Variants in SH3PXD2A observed in about 807,000 individuals in gnomAD.
SH3PXD2A encodes SH3 and PX domain-containing protein 2A.
A neutral mutation model predicts 115.2 loss-of-function variants in SH3PXD2A; 32 were observed. That is an observed-to-expected ratio of 0.28 (90% CI 0.21 to 0.37). The LOEUF is 0.37. Ranked by LOEUF, SH3PXD2A falls within the 10% of genes least tolerant of loss-of-function variation. The pLI, the probability that SH3PXD2A is intolerant of heterozygous loss-of-function variation, is 1.00. For missense variants in SH3PXD2A, 1,328 were observed against 1,498.7 expected, an observed-to-expected ratio of 0.89 and a Z score of 1.88; for synonymous variants, 610 against 629.1, an observed-to-expected ratio of 0.97 and a Z score of 0.45.
At chr10:103,677,738 A>G (rs2037557449) in intron 6 of SH3PXD2A, among the ~76,000 whole-genome samples, 1 of 152,138 alleles carries the variant, frequency 6.6e-6, no homozygotes, top group South Asian at 2.1e-4. Context: ...TAGTTCCTTC[A>G]AGGCCTTATC....
In SH3PXD2A at chr10:103,595,890, A is replaced by G. The variant is rs1159915064; in HGVS notation, c.*5926T>C. 6.6e-6 allele frequency: 1 copy of G among 152,598 alleles called. No homozygotes were observed. Among genetic ancestry groups the G allele is most frequent in the Non-Finnish European group, 1.5e-5 (1 of 68,040 alleles). The allele number at this position is 152,598 out of a possible 1,614,324, so 9.5% of individuals were successfully genotyped here. ...TGGGGACCCAGGTTTGCAGGAGGGA[A>G]GTTAACAGTGGGGCTGTTTTTCCCC... On this transcript the variant is annotated 3_prime_UTR_variant, in exon 15 of 15. Coordinates refer to ENST00000369774, the MANE Select transcript of SH3PXD2A (RefSeq NM_001394015.1).
chr10:103,818,090 G>A (rs1217387814), intron 1 of SH3PXD2A, among the ~76,000 whole-genome samples: 1 of 152,216 alleles, frequency 6.6e-6, no homozygotes, highest in Non-Finnish European at 1.5e-5. Context: ...TTTCAGCAAA[G>A]CTATTGTTTA....
chr10:103,653,635 T>C (rs1431169255), intron 8 of SH3PXD2A, among the ~76,000 whole-genome samples: 1 of 152,190 alleles, frequency 6.6e-6, no homozygotes, highest in African/African-American at 2.4e-5. Context: ...GGTGACAGCA[T>C]GGTGGAGGGA....
At chr10:103,610,000 G>A (rs2036400638) in intron 13 of SH3PXD2A, 1 of 152,204 alleles carries the variant, frequency 6.6e-6, no homozygotes, top group Admixed American at 6.5e-5. Context: ...ACATCACTTT[G>A]GGCCCAGCGA....
chr10:103,752,709 A>G (rs1254678491), intron 3 of SH3PXD2A, among the ~76,000 whole-genome samples: 1 of 152,248 alleles, frequency 6.6e-6, no homozygotes, highest in Admixed American at 6.5e-5. Context: ...ACATAGAAAC[A>G]TAACAGTAAA....
At chr10:103,730,041 G>A (rs1196860595) in intron 4 of SH3PXD2A, among the ~76,000 whole-genome samples, 1 of 152,194 alleles carries the variant, frequency 6.6e-6, no homozygotes, top group African/African-American at 2.4e-5. Flanking sequence ...CACAGGAGGG[G>A]GCCCCGGCAG....
rs558267266 is a variant in SH3PXD2A, at chr10:103,599,271, G to C, written c.*2545C>G. The C allele has an allele frequency of 2.9e-5, 4 of 138,324 alleles. No homozygotes were observed. Among genetic ancestry groups the C allele is most frequent in the Admixed American group, 2.9e-4 (4 of 13,866 alleles). 8.6% of individuals were successfully genotyped at this position (138,324 alleles called of 1,614,324 possible). A position where few individuals can be genotyped will look rare whatever the true frequency, so the allele number is the denominator to read the frequency against. On this transcript the variant is annotated 3_prime_UTR_variant, in exon 15 of 15. Transcript: ENST00000369774. ...GGGGGTCAAGGAGAGGGGGTCCTTG[G>C]GGGGGGCTGGGAGAATGTGGGGGGC...
rs752873465 is a variant in SH3PXD2A, at chr10:103,724,341, G to A, written c.327C>T (p.Pro109=). The A allele has an allele frequency of 6.3e-7, 1 of 1,581,904 alleles. No homozygotes were observed. Among genetic ancestry groups the A allele is most frequent in the African/African-American group, 1.4e-5 (1 of 72,758 alleles). Residue 109 remains proline (P), a synonymous_variant, in exon 5 of 15, where the codon CCC becomes CCT. Coordinates refer to ENST00000369774, the MANE Select transcript of SH3PXD2A (RefSeq NM_001394015.1). ...EYCRALVRLP[P]HISQCDEVFR... is the part of the protein sequence containing the mutation. ...AGACTTCGTCACACTGTGAGATGTG[G>A]GGGGGCAGCCGGACAAGTGCCTGTG...
At chr10:103,707,284 C>T (rs1201942318) in intron 5 of SH3PXD2A, among the ~76,000 whole-genome samples, 1 of 151,980 alleles carries the variant, frequency 6.6e-6, no homozygotes, top group Non-Finnish European at 1.5e-5. Flanking sequence ...GCAACCTCCG[C>T]CTCCGGGTTC....
chr10:103,819,259 G>A (rs989560462), intron 1 of SH3PXD2A, among the ~76,000 whole-genome samples: 2 of 152,244 alleles, frequency 1.3e-5, no homozygotes, highest in African/African-American at 2.4e-5. Context: ...GTCAAGAGCT[G>A]TGCCTGTTCC....
At chr10:103,664,028 T>A (rs2037350256) in intron 7 of SH3PXD2A, among the ~76,000 whole-genome samples, 1 of 152,234 alleles carries the variant, frequency 6.6e-6, no homozygotes, top group Non-Finnish European at 1.5e-5. Context: ...TGCCTGCCCC[T>A]GCCAGCTGGG....
chr10:103,747,802 T>TTTTA (rs143730553), intron 3 of SH3PXD2A, among the ~76,000 whole-genome samples: 17,632 of 151,768 alleles, frequency 0.12, 1,183 homozygotes, highest in African/African-American at 0.15. Context: ...CCTGCTTTCA[T>TTTTA]TTTATTTATT....
chr10:103,751,778 C>T (rs567413683), intron 3 of SH3PXD2A, among the ~76,000 whole-genome samples: 334 of 152,204 alleles, frequency 2.2e-3, no homozygotes, highest in African/African-American at 7.0e-3. Context: ...ACAAAGAGGG[C>T]GTTTCTAGAG....
chr10:103,729,842 T>C lies in SH3PXD2A; in HGVS notation c.307-5481A>G, dbSNP rs11191784. Among the ~76,000 whole-genome samples, 33 of 152,360 alleles carry C rather than the reference T, an allele frequency of 2.2e-4. No homozygotes were observed. The East Asian group carries it at 6.0e-3, about 28-fold the overall frequency. On this transcript the variant is annotated intron_variant, in intron 4 of 14. Transcript: ENST00000369774. ...CCCCATTTCCAGTCCTAAACTGTCC[T>C]GCAGTCTCCAGCTCCTGCCCCTCAA...
chr10:103,803,322 A>T (rs1296921699), intron 1 of SH3PXD2A, among the ~76,000 whole-genome samples: 1 of 152,236 alleles, frequency 6.6e-6, no homozygotes, highest in African/African-American at 2.4e-5. Context: ...GGCTATTATT[A>T]TAATAAATGG....
At chr10:103,613,644 G>A (rs1455172967) in intron 11 of SH3PXD2A, among the ~76,000 whole-genome samples, 2 of 152,234 alleles carry the variant, frequency 1.3e-5, no homozygotes, top group African/African-American at 2.4e-5. Flanking sequence ...ATTGACTCCA[G>A]AAGGTGAGAG....
intron 5 of SH3PXD2A, among the ~76,000 whole-genome samples, chr10:103,706,482 ATTAT>A (rs2037982297): frequency 6.6e-6 from 1 of 152,168 alleles, no homozygotes; most frequent in Non-Finnish European, 1.5e-5. Flanking sequence ...AGAGCACTGG[ATTAT>A]TTTCCTGTGT....
chr10:103,608,150 T>TAAAAAAAAAAAAAAAAAAGGTTAAA (rs1554903068), intron 13 of SH3PXD2A, among the ~76,000 whole-genome samples: 1 of 32,668 alleles, frequency 3.1e-5, no homozygotes, highest in Non-Finnish European at 4.5e-5. Flanking sequence ...ATGATCAATT[T>TAAAAAAAAAAAAAAAAAAGGTTAAA]AAAAAAAAAA....
chr10:103,823,648 C>A (rs1368924880), intron 1 of SH3PXD2A, among the ~76,000 whole-genome samples: 1 of 152,242 alleles, frequency 6.6e-6, no homozygotes, highest in Non-Finnish European at 1.5e-5. Context: ...CCCAAGGTCA[C>A]ACAGCTGGGA....
Sources: allele counts gnomAD v4.1 joint callset (sites outside exome capture counted in the v4.1 genomes callset), GRCh38; gene constraint gnomAD v4.1.1; transcripts MANE v1.5; gene names NCBI Gene and HGNC (gene_info 2026-07-23, HGNC 2026-07-21).